Variants in CTSO observed in about 807,000 individuals in gnomAD.
CTSO encodes the protein cathepsin O.
CTSO carries 40 observed loss-of-function variants against 42.4 expected under a neutral mutation model. The ratio of observed to expected loss-of-function variants is 0.94; its 90% CI spans 0.73 to 1.23. The LOEUF (loss-of-function observed/expected upper bound fraction) is 1.23, where lower values mean the gene tolerates loss of function less well. CTSO is among the 50% of genes most tolerant of loss of function. The probability of loss-of-function intolerance (pLI) is 0.00; values close to 1 mark genes in which losing one functional copy is unlikely to be tolerated. For synonymous variants in CTSO, 156 were observed against 146.2 expected (o/e 1.07, Z -0.48); for missense variants, 441 against 396.0 (o/e 1.11, Z -0.96).
chr4:155,937,454 T>C lies in CTSO; in HGVS notation c.582A>G (p.Glu194=). 1 of 1,613,206 alleles carries C rather than the reference T, an allele frequency of 6.2e-7. No homozygotes were observed. The highest frequency in any genetic ancestry group is 8.5e-7 in the Non-Finnish European group (1 of 1,179,428). Residue 194 remains glutamate (E), a synonymous_variant, in exon 5 of 8, where the codon GAA becomes GAG. Coordinates refer to ENST00000433477, the MANE Select transcript of CTSO (RefSeq NM_001334.3). ...KMQVKLVKDS[E]YPFKAQNGLC... ...GACCATTTTGTGCTTTAAAAGGATATTCTGAATCTTTCACCAGTTTTACTT... is the reference window on the plus strand; with the variant it reads ...GACCATTTTGTGCTTTAAAAGGATACTCTGAATCTTTCACCAGTTTTACTT...
intron 3 of CTSO, among the ~76,000 whole-genome samples, chr4:155,941,087 A>T (rs1362468971): frequency 6.6e-6 from 1 of 152,236 alleles, no homozygotes; most frequent in African/African-American, 2.4e-5. Context: ...TTGGTGGTAA[A>T]ACTTAATGTA....
intron 1 of CTSO, among the ~76,000 whole-genome samples, chr4:155,943,922 T>A (rs1479176731): frequency 6.6e-6 from 1 of 152,220 alleles, no homozygotes; most frequent in East Asian, 1.9e-4. Flanking sequence ...ATCTTAAGCT[T>A]ATCTTTTATA....
At chr4:155,949,758 T>G (rs17033839) in intron 1 of CTSO, among the ~76,000 whole-genome samples, 3 of 152,210 alleles carry the variant, frequency 2.0e-5, no homozygotes, top group Non-Finnish European at 2.9e-5. Flanking sequence ...TGAGAATTTC[T>G]TGGAAGACTT....
intron 5 of CTSO, among the ~76,000 whole-genome samples, chr4:155,931,965 T>A (rs889993747): frequency 6.6e-6 from 1 of 152,046 alleles, no homozygotes; most frequent in African/African-American, 2.4e-5. Context: ...TGCTTCATAA[T>A]GTGGATTTTC....
At chr4:155,932,524 A>G (rs1263512894) in intron 5 of CTSO, among the ~76,000 whole-genome samples, 1 of 152,172 alleles carries the variant, frequency 6.6e-6, no homozygotes. Context: ...CCCAACTTGC[A>G]ACAATGAGAT....
intron 4 of CTSO, 112 bp from the exon 5 acceptor site, chr4:155,937,595 A>T (rs2110919041): frequency 2.0e-6 from 2 of 981,610 alleles, no homozygotes; most frequent in Middle Eastern, 2.7e-4. Context: ...CATCATGTGG[A>T]TATACTTTGC....
Position 155,940,419 on chromosome 4 carries a change from G to C in CTSO, c.385-881C>G, listed in dbSNP as rs540279025. ...CCAAAAAAAAAAAGGAATGACAATT[G>C]GATATCTTTGCAGAGTTAAGTTTTG... On this transcript the variant is annotated intron_variant, in intron 3 of 7. Coordinates refer to ENST00000433477, the MANE Select transcript of CTSO (RefSeq NM_001334.3). Among the ~76,000 whole-genome samples, 221 of 151,754 alleles carry C rather than the reference G, an allele frequency of 1.5e-3. 1 individual carries two copies. The highest frequency in any genetic ancestry group is 4.1e-3 in the African/African-American group (168 of 41,454).
Position 155,925,784 on chromosome 4 carries a change from C to T in CTSO, c.*252G>A, listed in dbSNP as rs557463842. 2.3e-5 allele frequency: 10 copies of T among 431,912 alleles called. No individual in the cohort carries two copies. Among genetic ancestry groups the T allele is most frequent in the African/African-American group, 1.6e-4 (8 of 48,752 alleles). The allele number at this position is 431,912 out of a possible 1,614,324, so 26.8% of individuals were successfully genotyped here. A position where few individuals can be genotyped will look rare whatever the true frequency, so the allele number is the denominator to read the frequency against. On this transcript the variant is annotated 3_prime_UTR_variant, in exon 8 of 8. Coordinates refer to ENST00000433477, the MANE Select transcript of CTSO (RefSeq NM_001334.3). ...CTAAAATATCTCCTAATCTGAATTT[C>T]GTCTCAGGACAGGAAACTATTCCAT... is the stretch of plus-strand genomic sequence containing the variant.
At chr4:155,953,334 T>C (rs1743709914) in intron 1 of CTSO, among the ~76,000 whole-genome samples, 1 of 152,000 alleles carries the variant, frequency 6.6e-6, no homozygotes. Context: ...CTGGTTCTCA[T>C]AAAAGAGAAA....
intron 5 of CTSO, among the ~76,000 whole-genome samples, chr4:155,930,810 A>G (rs181641116): frequency 6.6e-6 from 1 of 152,304 alleles, no homozygotes; most frequent in East Asian, 1.9e-4. Context: ...ACATTTATTC[A>G]TGTTAACTAT....
At chr4:155,946,602 A>T (rs1454657462) in intron 1 of CTSO, among the ~76,000 whole-genome samples, 2 of 152,124 alleles carry the variant, frequency 1.3e-5, no homozygotes, top group Non-Finnish European at 2.9e-5. Flanking sequence ...CCAGGAGCCA[A>T]CTTCTAAAAG....
At chr4:155,951,350 G>A (rs573292220) in intron 1 of CTSO, among the ~76,000 whole-genome samples, 9 of 152,180 alleles carry the variant, frequency 5.9e-5, no homozygotes, top group Non-Finnish European at 1.3e-4. Context: ...TGGCACAAAG[G>A]AGAGTAGGCT....
Position 155,924,282 on chromosome 4 carries a change from A to G in CTSO, c.*1754T>C, listed in dbSNP as rs755959464. 1 of 151,496 alleles carries G rather than the reference A, an allele frequency of 6.6e-6. No homozygotes were observed. The allele number at this position is 151,496 out of a possible 1,614,324, so 9.4% of individuals were successfully genotyped here. On this transcript the variant is annotated 3_prime_UTR_variant, in exon 8 of 8. Transcript: ENST00000433477. Reference sequence around the variant, plus strand: ...TCACATAGAAAGTCAGCGAATACAAACTAGACAAGCAGGACATAGTTCTTT... The same window carrying G: ...TCACATAGAAAGTCAGCGAATACAAGCTAGACAAGCAGGACATAGTTCTTT...
chr4:155,934,328 C>T (rs1375788299), intron 5 of CTSO, among the ~76,000 whole-genome samples: 2 of 152,236 alleles, frequency 1.3e-5, no homozygotes, highest in African/African-American at 4.8e-5. Flanking sequence ...CCTGGATGCC[C>T]AGGCAAAAGT....
At chr4:155,944,439 T>A (rs1743504369) in intron 1 of CTSO, among the ~76,000 whole-genome samples, 1 of 152,306 alleles carries the variant, frequency 6.6e-6, no homozygotes, top group East Asian at 1.9e-4. Flanking sequence ...ATTCTGTATA[T>A]GGCAAATGAC....
chr4:155,933,090 G>A (rs1341532181), intron 5 of CTSO, among the ~76,000 whole-genome samples: 2 of 152,034 alleles, frequency 1.3e-5, no homozygotes, highest in African/African-American at 4.8e-5. Context: ...CTTGGTGACT[G>A]AGATGGTTTG....
At chr4:155,941,833 G>A (rs1454024559) in intron 3 of CTSO, among the ~76,000 whole-genome samples, 2 of 152,224 alleles carry the variant, frequency 1.3e-5, no homozygotes, top group Non-Finnish European at 2.9e-5. Context: ...TTCTGACAGA[G>A]CTTGCAAGAT....
At chr4:155,931,245 G>GAT (rs1404227296) in intron 5 of CTSO, among the ~76,000 whole-genome samples, 5 of 152,002 alleles carry the variant, frequency 3.3e-5, no homozygotes, top group Admixed American at 2.6e-4. Flanking sequence ...ATTTAAACAT[G>GAT]ATATATATAA....
At chr4:155,946,508 TACC>T (rs1310468398) in intron 1 of CTSO, among the ~76,000 whole-genome samples, 1 of 152,230 alleles carries the variant, frequency 6.6e-6, no homozygotes, top group African/African-American at 2.4e-5. Flanking sequence ...TTCTATTTGT[TACC>T]ACTTGATACA....
Sources: allele counts gnomAD v4.1 joint callset (sites outside exome capture counted in the v4.1 genomes callset), GRCh38; gene constraint gnomAD v4.1.1; transcripts MANE v1.5; gene names NCBI Gene and HGNC (gene_info 2026-07-23, HGNC 2026-07-21).